Variants in CAST observed in about 807,000 individuals in gnomAD.
CAST encodes the protein MIR583 host.
Under a neutral mutation model 119.6 loss-of-function variants are expected in CAST, and 76 were observed. The ratio of observed to expected loss-of-function variants is 0.64; its 90% CI spans 0.53 to 0.77. The LOEUF is 0.77. CAST is among the 30% of genes least tolerant of loss of function. The pLI, the probability that CAST is intolerant of heterozygous loss-of-function variation, is 0.00. For synonymous variants in CAST, 319 were observed against 331.6 expected (o/e 0.96, Z 0.41); for missense variants, 953 against 946.5 (o/e 1.01, Z -0.09).
At chr5:96,276,043 T>A in the CAST span, among the ~76,000 whole-genome samples, 1 of 152,354 alleles carries the variant, frequency 6.6e-6, no homozygotes, top group East Asian at 1.9e-4. Flanking sequence ...GTGGTCTTCT[T>A]CGTGAAACTG....
the CAST span, among the ~76,000 whole-genome samples, chr5:96,200,662 A>G: frequency 1.4e-4 from 22 of 152,100 alleles, no homozygotes; most frequent in Admixed American, 4.6e-4. Flanking sequence ...GTGTTGATCA[A>G]GGATGCTCAA....
the CAST span, among the ~76,000 whole-genome samples, chr5:96,337,921 A>G: frequency 6.6e-6 from 1 of 152,234 alleles, no homozygotes; most frequent in Non-Finnish European, 1.5e-5. Context: ...CATATAAAAC[A>G]TTAGTACTTG....
chr5:96,069,789 C>T, the CAST span, among the ~76,000 whole-genome samples: 2 of 151,566 alleles, frequency 1.3e-5, no homozygotes, highest in Non-Finnish European at 2.9e-5. Context: ...GCATGAGCCA[C>T]CACACCCAGC....
chr5:95,975,204 A>G, the CAST span, among the ~76,000 whole-genome samples: 1 of 152,234 alleles, frequency 6.6e-6, no homozygotes, highest in Non-Finnish European at 1.5e-5. Context: ...CTGGTTTCCT[A>G]TAGCCAATTA....
At chr5:96,330,038 T>A in the CAST span, among the ~76,000 whole-genome samples, 3 of 152,234 alleles carry the variant, frequency 2.0e-5, no homozygotes, top group Non-Finnish European at 4.4e-5. Flanking sequence ...ATTACCCATC[T>A]CTTGTCTTTT....
chr5:96,038,824 G>A, the CAST span, among the ~76,000 whole-genome samples: 16 of 152,032 alleles, frequency 1.1e-4, no homozygotes, highest in African/African-American at 3.1e-4. Context: ...TAGTGCTGCA[G>A]AAAACATAAG....
At chr5:96,365,228 A>G in the CAST span, among the ~76,000 whole-genome samples, 1 of 152,180 alleles carries the variant, frequency 6.6e-6, no homozygotes, top group South Asian at 2.1e-4. Flanking sequence ...TTTGCTGAGG[A>G]GTGCTTTACT....
the CAST span, among the ~76,000 whole-genome samples, chr5:96,305,187 T>C: frequency 3.3e-5 from 5 of 152,226 alleles, no homozygotes; most frequent in Admixed American, 2.0e-4. Context: ...GTTGGATTCC[T>C]AGGTATTTTA....
chr5:96,746,167 C>G (rs1561568930), intron 16 of CAST, among the ~76,000 whole-genome samples, 175 bp from the exon 17 acceptor site: 1 of 152,206 alleles, frequency 6.6e-6, no homozygotes, highest in Non-Finnish European at 1.5e-5. Flanking sequence ...ACCCACTGCT[C>G]CCTTTCTCAC....
the CAST span, among the ~76,000 whole-genome samples, chr5:96,196,546 G>A: frequency 1.3e-5 from 2 of 152,202 alleles, no homozygotes; most frequent in Non-Finnish European, 2.9e-5. Flanking sequence ...AGATGGGGTA[G>A]TTTGAAAAAG....
At chr5:96,316,692 C>T in the CAST span, among the ~76,000 whole-genome samples, 1 of 152,144 alleles carries the variant, frequency 6.6e-6, no homozygotes, top group African/African-American at 2.4e-5. Flanking sequence ...CAGAGAGTGT[C>T]ATCAGGAATC....
chr5:96,533,038 TAAA>T (rs1554066148), intron 1 of CAST, among the ~76,000 whole-genome samples: 13 of 124,470 alleles, frequency 1.0e-4, no homozygotes, highest in Non-Finnish European at 2.3e-4. Context: ...AAAAAAAAAA[TAAA>T]AATAAAAATA....
chr5:96,401,282 G>C, the CAST span, among the ~76,000 whole-genome samples: 2 of 152,084 alleles, frequency 1.3e-5, no homozygotes, highest in Admixed American at 6.5e-5. Context: ...ACTTTGACAG[G>C]GGGTAGAGTG....
chr5:96,523,101 G>A (rs1267625660), upstream of CAST, among the ~76,000 whole-genome samples: 1 of 152,246 alleles, frequency 6.6e-6, no homozygotes, highest in African/African-American at 2.4e-5. Flanking sequence ...GCCACCTGTA[G>A]TGCTCCCAGT....
chr5:96,433,132 C>G, the CAST span: 1 of 1,260,956 alleles, frequency 7.9e-7, no homozygotes, highest in Non-Finnish European at 1.2e-6. Flanking sequence ...CCCTTCCCAC[C>G]CTCGGGCTCT....
the CAST span, among the ~76,000 whole-genome samples, chr5:96,277,776 T>C: frequency 3.0e-4 from 45 of 151,962 alleles, no homozygotes; most frequent in African/African-American, 9.7e-4. Flanking sequence ...ACCAGAAGTA[T>C]ATGAATGGTC....
the CAST span, among the ~76,000 whole-genome samples, chr5:96,248,217 G>A: frequency 6.6e-6 from 1 of 151,904 alleles, no homozygotes; most frequent in Non-Finnish European, 1.5e-5. Context: ...GTCCCTCTTG[G>A]ACCCTTTTTG....
chr5:96,591,744 A>C (rs1209759100), intron 1 of CAST, among the ~76,000 whole-genome samples: 1 of 152,226 alleles, frequency 6.6e-6, no homozygotes, highest in East Asian at 1.9e-4. Context: ...TCTTTTACAC[A>C]GAAAAGCCTC....
At chr5:96,670,193 A>G (rs1749881525) in intron 1 of CAST, among the ~76,000 whole-genome samples, 1 of 152,124 alleles carries the variant, frequency 6.6e-6, no homozygotes, top group African/African-American at 2.4e-5. Flanking sequence ...TACTATCTCG[A>G]TGAAATTGTC....
Sources: gnomAD v4.1 joint callset for allele counts (sites outside exome capture counted in the v4.1 genomes callset) on GRCh38, gnomAD v4.1.1 for gene constraint, MANE v1.5 for transcripts, NCBI Gene and HGNC (gene_info 2026-07-23, HGNC 2026-07-21) for gene names.